Variants in LIG1 observed in about 807,000 individuals in gnomAD.
LIG1 encodes the protein ligase I, DNA, ATP-dependent.
A neutral mutation model predicts 115.7 loss-of-function variants in LIG1; 70 were observed. The ratio of observed to expected loss-of-function variants is 0.60; its 90% confidence interval spans 0.50 to 0.74. The LOEUF (loss-of-function observed/expected upper bound fraction) is 0.74, where lower values mean the gene tolerates loss of function less well. Ranked by LOEUF, LIG1 falls within the 30% of genes least tolerant of loss-of-function variation. LIG1 has a pLI of 0.00. For synonymous variants in LIG1, 487 were observed against 495.3 expected (o/e 0.98, Z 0.22); for missense variants, 1,115 against 1,225.6 (o/e 0.91, Z 1.35).
chr19:48,141,520 G>A (rs1376903812), intron 11 of LIG1, among the ~76,000 whole-genome samples: 1 of 152,194 alleles, frequency 6.6e-6, no homozygotes, highest in Non-Finnish European at 1.5e-5. Context: ...AAGAAACAGA[G>A]GCACCGAAAG....
chr19:48,167,548 C>T (rs1453577813), intron 1 of LIG1, among the ~76,000 whole-genome samples: 1 of 152,136 alleles, frequency 6.6e-6, no homozygotes, highest in Non-Finnish European at 1.5e-5. Flanking sequence ...ACTCAGTAGG[C>T]CGGCACTGTG....
chr19:48,137,595 A>C lies in LIG1; in HGVS notation c.1181T>G (p.Leu394Arg), dbSNP rs760909668. The C allele has an allele frequency of 6.2e-7, 1 of 1,613,300 alleles. No individual in the cohort carries two copies. Among genetic ancestry groups the C allele is most frequent in the South Asian group, 1.1e-5 (1 of 91,086 alleles). ...ENSRSTQRLM[L>R]PPPPLTASGV... ...GGAGGCAGTGAGCGGAGGTGGTGGC[A>C]GCATGAGCCTCTGGGTGCTGCGGCT... The change falls in exon 13 of 28, where the codon CTG becomes CGG. Residue 394 changes from leucine to arginine, a missense_variant. Leu to Arg is a moderately radical substitution (Grantham distance 102). Transcript: ENST00000263274. The surrounding 1 kb of genome is among the most constrained non-coding windows in gnomAD (Gnocchi z 4.3).
At chr19:48,133,217 AAGCCTCCCACGTTTTAGAAGGGGACCT>A in intron 17 of LIG1, 120 bp from the exon 18 acceptor site, 1 of 739,830 alleles carries the variant, frequency 1.4e-6, no homozygotes, top group South Asian at 1.5e-5. Flanking sequence ...TTCAGTCACG[AAGCCTCCCACGTTTTAGAAGGGGACCT>A]AGCCTCCCAC....
At chr19:48,156,796 C>T (rs1409694932) in intron 5 of LIG1, among the ~76,000 whole-genome samples, 1 of 151,968 alleles carries the variant, frequency 6.6e-6, no homozygotes, top group African/African-American at 2.4e-5. Flanking sequence ...CAAAAATTAG[C>T]CAGGCATGGT....
At chr19:48,140,203 G>A in intron 11 of LIG1, 60 bp from the exon 12 acceptor site, 1 of 1,356,610 alleles carries the variant, frequency 7.4e-7, no homozygotes, top group Non-Finnish European at 1.0e-6. Context: ...GTGGTGTCGG[G>A]GTGGGGTGGG....
rs1006063412 is a variant in LIG1, at chr19:48,133,053, T to C, written c.1654A>G (p.Ser552Gly). The part of the protein sequence containing the change: ...PMLAHPTRGI[S>G]EVLKRFEEAA... ...TCCTCAAAGCGTTTCAGGACCTCGC[T>C]GATGCCCCGGGTGGGATGGGCCAAC... Residue 552 changes from serine (S) to glycine (G), a missense_variant, in exon 18 of 28, where the codon AGC becomes GGC. Coordinates refer to ENST00000263274, the MANE Select transcript of LIG1 (RefSeq NM_000234.3). 4.3e-5 allele frequency: 69 copies of C among 1,614,058 alleles called. No individual in the cohort carries two copies. Among genetic ancestry groups the C allele is most frequent in the Non-Finnish European group, 5.6e-5 (66 of 1,180,016 alleles).
chr19:48,134,883 C>T (rs368264776), intron 16 of LIG1, among the ~76,000 whole-genome samples: 1 of 152,338 alleles, frequency 6.6e-6, no homozygotes, highest in African/African-American at 2.4e-5. Flanking sequence ...TGCCATCGGC[C>T]CTCCTGCCTC....
chr19:48,162,704 A>G (rs2036254274), intron 2 of LIG1, among the ~76,000 whole-genome samples: 1 of 152,126 alleles, frequency 6.6e-6, no homozygotes, highest in African/African-American at 2.4e-5. Flanking sequence ...CTGGGATTAC[A>G]GGCATAAGCC....
At chr19:48,123,903 A>T (rs1395019958) in intron 21 of LIG1, among the ~76,000 whole-genome samples, 1 of 151,976 alleles carries the variant, frequency 6.6e-6, no homozygotes, top group Admixed American at 6.6e-5. Context: ...AAAAGTTTTC[A>T]CTGAGTTTTT....
chr19:48,144,646 C>T (rs543921821), intron 9 of LIG1, among the ~76,000 whole-genome samples: 4 of 152,168 alleles, frequency 2.6e-5, no homozygotes, highest in South Asian at 4.2e-4. Context: ...GGATTACAGG[C>T]GTACACGACC....
At chr19:48,144,281 G>C (rs1484878720) in intron 9 of LIG1, among the ~76,000 whole-genome samples, 3 of 152,224 alleles carry the variant, frequency 2.0e-5, no homozygotes, top group Non-Finnish European at 4.4e-5. Flanking sequence ...CATCTGGGCA[G>C]AATGAGGGAG....
chr19:48,162,290 T>A lies in LIG1; in HGVS notation c.79A>T (p.Ser27Cys). ...AKKPEKEASN[S>C]SRETEPPPKA... is the part of the protein sequence containing the mutation. The stretch of plus-strand genomic sequence containing the variant: ...GGAGGGGGCTCCGTCTCTCTGCTGC[T>A]ATTGGATGCCTCCTTCTCAGGCTTC... The change falls in exon 3 of 28, where the codon AGC becomes TGC. Residue 27 changes from serine (S) to cysteine (C), a missense_variant. Physicochemically the swap from Ser to Cys is moderately radical, Grantham distance 112. Coordinates refer to ENST00000263274, the MANE Select transcript of LIG1 (RefSeq NM_000234.3). The A allele has an allele frequency of 6.2e-7, 1 of 1,614,124 alleles. No homozygotes were observed. Among genetic ancestry groups the A allele is most frequent in the Non-Finnish European group, 8.5e-7 (1 of 1,179,980 alleles).
chr19:48,144,035 A>T lies in LIG1; in HGVS notation c.777-72T>A, dbSNP rs948772271. On this transcript the variant is annotated intron_variant, in intron 9 of 27. Transcript: ENST00000263274. ...AGCAAAGTCATTCCTTCCAACTGTG[A>T]TGTGCCAGGCTCTGTTCAAGGCACA... 3.3e-6 allele frequency: 4 copies of T among 1,225,950 alleles called. No homozygotes were observed. In the African/African-American group the frequency reaches 6.0e-5, roughly 18 times the overall value. 75.9% of individuals were successfully genotyped at this position (1,225,950 alleles called of 1,614,324 possible). A position where few individuals can be genotyped will look rare whatever the true frequency, so the allele number is the denominator to read the frequency against.
At position 48,137,425 on chromosome 19, in the gene LIG1, C is replaced by G. The variant is rs2034460193; in HGVS notation, c.1254+97G>C. ...CACCCCATGAGAAGGACTGATGCGA[C>G]CCAGCTGATGGTCTACCCAGAAGCC... On this transcript the variant is annotated intron_variant, in intron 13 of 27. Coordinates refer to ENST00000263274, the MANE Select transcript of LIG1 (RefSeq NM_000234.3). This position sits in a 1 kb window ranked among gnomAD's most constrained non-coding sequence, Gnocchi z 4.3. 2 of 1,486,170 alleles carry G rather than the reference C, an allele frequency of 1.3e-6. No individual in the cohort carries two copies. Among genetic ancestry groups the G allele is most frequent in the Non-Finnish European group, 1.8e-6 (2 of 1,092,974 alleles). 92.1% of individuals were successfully genotyped at this position (1,486,170 alleles called of 1,614,324 possible). A position where few individuals can be genotyped will look rare whatever the true frequency, so the allele number is the denominator to read the frequency against.
In LIG1 at chr19:48,143,506, G is replaced by A. The variant is rs371777326; in HGVS notation, c.914+37C>T. 5.7e-5 allele frequency: 51 copies of A among 898,152 alleles called. No homozygotes were observed. In the African/African-American group the frequency reaches 6.4e-4, roughly 11 times the overall value. 55.6% of individuals were successfully genotyped at this position (898,152 alleles called of 1,614,324 possible). ...CCATGCAGAGGACAGACCCAGAAGC[G>A]ACCCCGCCCCCCACCCAGGCAGTCC... On this transcript the variant is annotated intron_variant, in intron 11 of 27. Transcript: ENST00000263274.
chr19:48,163,389 T>A (rs2036299068), intron 2 of LIG1, among the ~76,000 whole-genome samples: 1 of 152,016 alleles, frequency 6.6e-6, no homozygotes, highest in Non-Finnish European at 1.5e-5. Flanking sequence ...GCCCGGCTAA[T>A]TTTTTTCATT....
intron 25 of LIG1, 101 bp from the exon 26 acceptor site, chr19:48,117,882 C>T: frequency 7.8e-7 from 1 of 1,277,522 alleles, no homozygotes; most frequent in Non-Finnish European, 1.1e-6. Flanking sequence ...AAAAAACAGG[C>T]ACCCCCTTGA....
intron 17 of LIG1, 176 bp from the exon 18 acceptor site, chr19:48,133,273 G>C: frequency 1.6e-6 from 1 of 615,218 alleles, no homozygotes; most frequent in Non-Finnish European, 2.9e-6. Flanking sequence ...ACAGCCCCCG[G>C]CCTTCCTTCC....
intron 21 of LIG1, among the ~76,000 whole-genome samples, chr19:48,125,753 G>A (rs1599753104): frequency 6.6e-6 from 1 of 151,968 alleles, no homozygotes; most frequent in South Asian, 2.1e-4. Flanking sequence ...ACTTTGGGAG[G>A]CTGAGGTGGG....
Sources: gnomAD v4.1 joint callset for allele counts (sites outside exome capture counted in the v4.1 genomes callset) on GRCh38, gnomAD v4.1.1 for gene constraint, Gnocchi (gnomAD v3.1) non-coding constraint, MANE v1.5 for transcripts, NCBI Gene and HGNC (gene_info 2026-07-23, HGNC 2026-07-21) for gene names.